The following SHQ1 variants were observed in gnomAD, a reference collection of about 807,000 sequenced individuals.
SHQ1 encodes SHQ1, H/ACA ribonucleoprotein assembly factor.
A neutral mutation model predicts 53.8 loss-of-function variants in SHQ1; 49 were observed. The ratio of observed to expected loss-of-function variants is 0.91; its 90% CI spans 0.72 to 1.16. The LOEUF (loss-of-function observed/expected upper bound fraction) is 1.16, where lower values mean the gene tolerates loss of function less well. SHQ1 is among the 50% of genes most tolerant of loss of function. The pLI is 0.00. For missense variants in SHQ1, 738 were observed against 683.1 expected (o/e 1.08, Z -0.90); for synonymous variants, 243 against 251.0 (o/e 0.97, Z 0.30).
chr3:72,786,828 C>T (rs1286088368), intron 10 of SHQ1, among the ~76,000 whole-genome samples: 1 of 152,192 alleles, frequency 6.6e-6, no homozygotes, highest in Non-Finnish European at 1.5e-5. Context: ...TACATGACTC[C>T]ACTTTTACAT....
In SHQ1 at chr3:72,841,230, G is replaced by A. The variant is rs774840599; in HGVS notation, c.332-31C>T. The A allele has an allele frequency of 3.8e-6, 6 of 1,571,122 alleles. No homozygotes were observed. In the African/African-American group the frequency reaches 4.1e-5, roughly 11 times the overall value. On this transcript the variant is annotated intron_variant, in intron 3 of 10. Coordinates refer to ENST00000325599, the MANE Select transcript of SHQ1 (RefSeq NM_018130.3). ...TGTGTTAAATTTTAATTTTTTTTAAGTATTGGATTTAAGTACAACTAGGGG... is the reference window on the plus strand; with the variant it reads ...TGTGTTAAATTTTAATTTTTTTTAAATATTGGATTTAAGTACAACTAGGGG...
chr3:72,746,474 G>C (rs1267612894), downstream of SHQ1, among the ~76,000 whole-genome samples: 4 of 152,158 alleles, frequency 2.6e-5, no homozygotes, highest in African/African-American at 4.8e-5. Context: ...AGTGTTCTCA[G>C]CCCATCTTAA....
chr3:72,753,170 A>C, intron 10 of SHQ1: 2 of 985,438 alleles, frequency 2.0e-6, no homozygotes, highest in Non-Finnish European at 2.4e-6. Flanking sequence ...ACAGTGAGTG[A>C]AAGTGGTAAA....
intron 10 of SHQ1, chr3:72,773,207 T>C: frequency 1.4e-6 from 1 of 723,160 alleles, no homozygotes; most frequent in Non-Finnish European, 2.6e-6. Flanking sequence ...AGTAGAACAC[T>C]ACAGAGATAA....
In SHQ1 at chr3:72,799,893, C is replaced by G. The variant is rs548008211; in HGVS notation, c.1061-6857G>C. 3.3e-5 allele frequency among the ~76,000 whole-genome samples: 5 copies of G among 152,256 alleles called. No individual in the cohort carries two copies. The South Asian group carries it at 1.0e-3, about 32-fold the overall frequency. On this transcript the variant is annotated intron_variant, in intron 9 of 10. Transcript: ENST00000325599. ...TTTACCATCTATCCAAGTCTCAAAT[C>G]AGGCATTACTTTTTCTGGAAACAGG... is the stretch of plus-strand genomic sequence containing the variant.
rs182837732 is a variant in SHQ1, at chr3:72,801,214, T to C, written c.1061-8178A>G. Among the ~76,000 whole-genome samples the C allele has an allele frequency of 2.0e-5, 3 of 152,156 alleles. No homozygotes were observed. In the East Asian group the frequency reaches 5.8e-4, roughly 29 times the overall value. On this transcript the variant is annotated intron_variant, in intron 9 of 10. Coordinates refer to ENST00000325599, the MANE Select transcript of SHQ1 (RefSeq NM_018130.3). The stretch of plus-strand genomic sequence containing the variant: ...AAGCTGAAGATGCATGGAAAAAAGC[T>C]CTTTGAAACAGCTGCAACCTAAACC...
In SHQ1 at chr3:72,812,600, T is replaced by C. The variant is rs1395295506; in HGVS notation, c.1060+71A>G. 33 of 1,561,338 alleles carry C rather than the reference T, an allele frequency of 2.1e-5. No homozygotes were observed. The Admixed American group carries it at 2.8e-4, about 13-fold the overall frequency. On this transcript the variant is annotated intron_variant, in intron 9 of 10. Transcript: ENST00000325599. The stretch of plus-strand genomic sequence containing the variant: ...TATACAGTAAAAAAGCAAAAATCAT[T>C]ATTATATCTTCACAGACTAAAAACT...
At chr3:72,813,357 C>T (rs1304200853) in intron 8 of SHQ1, among the ~76,000 whole-genome samples, 1 of 150,806 alleles carries the variant, frequency 6.6e-6, no homozygotes, top group Non-Finnish European at 1.5e-5. Flanking sequence ...ATCCCAGCTA[C>T]TCAAGAGGGT....
downstream of SHQ1, among the ~76,000 whole-genome samples, chr3:72,746,363 T>C (rs1575670005): frequency 1.3e-5 from 2 of 152,302 alleles, no homozygotes; most frequent in African/African-American, 2.4e-5. Flanking sequence ...CATATGGTTA[T>C]AGGAGATCCC....
chr3:72,800,263 T>G (rs575248421), intron 9 of SHQ1, among the ~76,000 whole-genome samples: 1 of 152,248 alleles, frequency 6.6e-6, no homozygotes, highest in South Asian at 2.1e-4. Context: ...AGCCAATAAT[T>G]TATGTTCTTT....
intron 10 of SHQ1, among the ~76,000 whole-genome samples, chr3:72,764,426 T>C (rs546716360): frequency 1.3e-5 from 2 of 152,336 alleles, no homozygotes; most frequent in East Asian, 3.9e-4. Flanking sequence ...TTCTGACAAG[T>C]GGTCGTCTAT....
At chr3:72,759,021 G>T (rs114430128) in intron 10 of SHQ1, among the ~76,000 whole-genome samples, 2,753 of 152,274 alleles carry the variant, frequency 0.018, 80 homozygotes, top group African/African-American at 0.06. Context: ...CTCTGCCTCT[G>T]TTGTTCAGGG....
chr3:72,804,346 T>C (rs889827872), intron 9 of SHQ1, among the ~76,000 whole-genome samples: 1 of 152,128 alleles, frequency 6.6e-6, no homozygotes, highest in Non-Finnish European at 1.5e-5. Flanking sequence ...ACTGCACAGA[T>C]CATCCCATCA....
chr3:72,739,159 G>GGC, the SHQ1 span, among the ~76,000 whole-genome samples: 1 of 152,230 alleles, frequency 6.6e-6, no homozygotes, highest in Non-Finnish European at 1.5e-5. Flanking sequence ...CTCGAGCAAC[G>GGC]TCTGACTTTG....
intron 6 of SHQ1, among the ~76,000 whole-genome samples, chr3:72,823,340 G>A (rs1707542798): frequency 1.3e-5 from 2 of 151,786 alleles, no homozygotes; most frequent in South Asian, 4.2e-4. Flanking sequence ...TATATAACAG[G>A]CACTATACTA....
intron 9 of SHQ1, among the ~76,000 whole-genome samples, chr3:72,811,795 A>C (rs1707130949): frequency 6.6e-6 from 1 of 152,196 alleles, no homozygotes; most frequent in African/African-American, 2.4e-5. Context: ...TGGAGGTAGA[A>C]GGAAGAACTT....
intron 9 of SHQ1, among the ~76,000 whole-genome samples, chr3:72,798,662 T>C (rs757395781): frequency 1.3e-5 from 2 of 152,182 alleles, no homozygotes; most frequent in East Asian, 1.9e-4. Flanking sequence ...TTAAATAGAA[T>C]CCCTTGGCTT....
chr3:72,804,912 T>G (rs1434349228), intron 9 of SHQ1, among the ~76,000 whole-genome samples: 2 of 152,226 alleles, frequency 1.3e-5, no homozygotes, highest in Non-Finnish European at 2.9e-5. Context: ...AGGTGTTGCT[T>G]AATGATTTGG....
At chr3:72,839,904 G>GCA in intron 4 of SHQ1, among the ~76,000 whole-genome samples, 1 of 151,894 alleles carries the variant, frequency 6.6e-6, no homozygotes, top group South Asian at 2.1e-4. Flanking sequence ...GGGACTACAG[G>GCA]TGGGTGCCAC....
Sources: gnomAD v4.1 joint callset for allele counts (sites outside exome capture counted in the v4.1 genomes callset) on GRCh38, gnomAD v4.1.1 for gene constraint, MANE v1.5 for transcripts, NCBI Gene and HGNC (gene_info 2026-07-23, HGNC 2026-07-21) for gene names.